The following MACROD2 variants were observed in gnomAD, a reference collection of about 807,000 sequenced individuals.
MACROD2 encodes the protein mono-ADP ribosylhydrolase 2, also known as ADP-ribose glycohydrolase MACROD2.
A neutral mutation model predicts 70.4 loss-of-function variants in MACROD2; 36 were observed. The ratio of observed to expected loss-of-function variants is 0.51; its 90% CI spans 0.39 to 0.68. The LOEUF (loss-of-function observed/expected upper bound fraction) is 0.68. MACROD2 is among the 30% of genes least tolerant of loss of function. The pLI is 0.00. For missense variants in MACROD2, 496 were observed against 538.4 expected (o/e 0.92, Z 0.78); for synonymous variants, 172 against 178.8 (o/e 0.96, Z 0.30).
intron 3 of MACROD2, among the ~76,000 whole-genome samples, chr20:14,450,592 C>G (rs1337512287): frequency 2.6e-5 from 4 of 151,986 alleles, no homozygotes; most frequent in African/African-American, 7.3e-5. Flanking sequence ...TAATATATAA[C>G]TTTGCTTTGG....
intron 3 of MACROD2, among the ~76,000 whole-genome samples, chr20:14,238,269 A>G (rs1016955912): frequency 6.6e-6 from 1 of 152,248 alleles, no homozygotes; most frequent in African/African-American, 2.4e-5. Context: ...AATGTTATTT[A>G]TTACATAAAC....
At chr20:14,399,489 G>A (rs1333653358) in intron 3 of MACROD2, among the ~76,000 whole-genome samples, 5 of 151,872 alleles carry the variant, frequency 3.3e-5, no homozygotes, top group African/African-American at 1.2e-4. Context: ...CTCTAGCTAC[G>A]TTTAATTTTG....
chr20:14,251,185 A>C (rs973911049), intron 3 of MACROD2, among the ~76,000 whole-genome samples: 1 of 152,136 alleles, frequency 6.6e-6, no homozygotes, highest in Non-Finnish European at 1.5e-5. Context: ...AAATAGACTT[A>C]GGGACTAAAC....
chr20:14,271,829 G>C (rs775614357), intron 3 of MACROD2, among the ~76,000 whole-genome samples: 1 of 152,148 alleles, frequency 6.6e-6, no homozygotes. Flanking sequence ...ACCAAGGCTC[G>C]AGAACTACGT....
chr20:15,467,534 TTC>T (rs896756508), intron 7 of MACROD2, among the ~76,000 whole-genome samples: 3 of 152,080 alleles, frequency 2.0e-5, no homozygotes, highest in Admixed American at 2.0e-4. Context: ...GGTTATTTTT[TTC>T]TCTCTCTCTC....
intron 5 of MACROD2, among the ~76,000 whole-genome samples, chr20:14,708,612 T>C (rs544721332): frequency 6.0e-4 from 92 of 152,234 alleles, no homozygotes; most frequent in African/African-American, 2.0e-3. Flanking sequence ...GCACAACTTT[T>C]TGTTTGTTTG....
intron 4 of MACROD2, 102 bp from the exon 5 acceptor site, chr20:14,684,741 T>C (rs1970168859): frequency 4.3e-6 from 4 of 932,680 alleles, no homozygotes; most frequent in Non-Finnish European, 5.1e-6. Flanking sequence ...GCTATGGTTA[T>C]TTACAGGAAG....
At chr20:14,853,267 T>G (rs1381435491) in intron 5 of MACROD2, among the ~76,000 whole-genome samples, 1 of 151,744 alleles carries the variant, frequency 6.6e-6, no homozygotes, top group African/African-American at 2.4e-5. Context: ...AACCTTGACC[T>G]TAATTAGGCC....
At chr20:14,844,247 A>G (rs2073116372) in intron 5 of MACROD2, among the ~76,000 whole-genome samples, 2 of 151,992 alleles carry the variant, frequency 1.3e-5, no homozygotes. Flanking sequence ...TACTGGTTCA[A>G]AAAAGTTGAT....
intron 3 of MACROD2, among the ~76,000 whole-genome samples, chr20:14,133,638 A>T (rs933726216): frequency 5.9e-5 from 9 of 152,224 alleles, no homozygotes; most frequent in African/African-American, 9.6e-5. Context: ...TTGTACAGAG[A>T]TGTGAATAAA....
At chr20:15,382,487 C>T in intron 6 of MACROD2, among the ~76,000 whole-genome samples, 1 of 152,170 alleles carries the variant, frequency 6.6e-6, no homozygotes, top group Non-Finnish European at 1.5e-5. Flanking sequence ...GGCTTCAGTA[C>T]ATAGGAGACA....
chr20:14,564,634 A>G (rs1157432604), intron 4 of MACROD2, among the ~76,000 whole-genome samples: 1 of 152,064 alleles, frequency 6.6e-6, no homozygotes, highest in African/African-American at 2.4e-5. Flanking sequence ...ATGCAAATTA[A>G]AGCCACAATA....
chr20:15,590,299 G>A (rs2048660135), intron 8 of MACROD2, among the ~76,000 whole-genome samples: 1 of 152,144 alleles, frequency 6.6e-6, no homozygotes, highest in Admixed American at 6.5e-5. Flanking sequence ...TGAGGCAAGA[G>A]TTCATATTTC....
intron 6 of MACROD2, among the ~76,000 whole-genome samples, chr20:15,341,569 A>G (rs1412930187): frequency 2.6e-5 from 4 of 152,234 alleles, no homozygotes; most frequent in African/African-American, 9.6e-5. Context: ...TGGTTTTGAC[A>G]TATGTTAAGG....
At chr20:14,530,704 C>T (rs1295083173) in intron 4 of MACROD2, among the ~76,000 whole-genome samples, 1 of 152,152 alleles carries the variant, frequency 6.6e-6, no homozygotes, top group Non-Finnish European at 1.5e-5. Flanking sequence ...CTGCTGGTAT[C>T]CTTCCACCTT....
intron 5 of MACROD2, among the ~76,000 whole-genome samples, chr20:14,916,990 C>G (rs1438067384): frequency 2.0e-5 from 3 of 151,932 alleles, no homozygotes; most frequent in Non-Finnish European, 4.4e-5. Flanking sequence ...ACTTAACTCT[C>G]TGTGGCACAT....
rs200374076 is a variant in MACROD2, at chr20:15,648,719, G to GTGGATGGA, written c.645+148896_645+148903dup. On this transcript the variant is annotated intron_variant, in intron 8 of 17. Transcript: ENST00000684519. ...AGGTAGATGGATGGGTGGATGGATGGTGGATGGATGGATGGATGGATGGAT... is the reference window on the plus strand; with the variant it reads ...AGGTAGATGGATGGGTGGATGGATGGTGGATGGATGGATGGATGGATGGATGGATGGAT... 7.0e-3 allele frequency among the ~76,000 whole-genome samples: 1,060 copies of GTGGATGGA among 151,678 alleles called. 11 individuals carry two copies. The highest frequency in any genetic ancestry group is 0.023 in the African/African-American group (960 of 41,312).
At chr20:14,254,860 T>A (rs1457629529) in intron 3 of MACROD2, among the ~76,000 whole-genome samples, 4 of 152,264 alleles carry the variant, frequency 2.6e-5, no homozygotes, top group Non-Finnish European at 4.4e-5. Flanking sequence ...CAATTTGGCA[T>A]GTTTTTGCAG....
intron 6 of MACROD2, among the ~76,000 whole-genome samples, chr20:15,251,749 A>C (rs1020789755): frequency 2.6e-5 from 4 of 152,078 alleles, no homozygotes; most frequent in African/African-American, 9.7e-5. Flanking sequence ...CTATTTTTTC[A>C]ATTTTAAGGG....
Sources: allele counts gnomAD v4.1 joint callset (sites outside exome capture counted in the v4.1 genomes callset), GRCh38; gene constraint gnomAD v4.1.1; transcripts MANE v1.5; gene names NCBI Gene and HGNC (gene_info 2026-07-23, HGNC 2026-07-21).